Variants in ANKRD30A observed in about 807,000 individuals in gnomAD.
The protein encoded by ANKRD30A is ankyrin repeat domain-containing protein 30A.
Under a neutral mutation model 166.3 loss-of-function variants are expected in ANKRD30A, and 170 were observed. The observed-to-expected ratio is 1.02, with a 90% CI of 0.90 to 1.16. The LOEUF (loss-of-function observed/expected upper bound fraction) is 1.16. ANKRD30A is among the 50% of genes most tolerant of loss of function. ANKRD30A has a pLI of 0.00. For missense variants in ANKRD30A, 1,630 were observed against 1,518.0 expected, an observed-to-expected ratio of 1.07 and a Z score of -1.23; for synonymous variants, 564 against 508.9, an observed-to-expected ratio of 1.11 and a Z score of -1.46.
At chr10:37,142,401 G>T (rs1227990802) in intron 7 of ANKRD30A, 111 bp downstream of exon 7, 2 of 1,005,142 alleles carry the variant, frequency 2.0e-6, no homozygotes, top group Non-Finnish European at 2.9e-6. Context: ...AATAAGGCGA[G>T]CTTAGGCAAC....
chr10:37,232,451 T>C (rs1294148110), intron 35 of ANKRD30A, 48 bp from the exon 36 acceptor site: 4 of 150,980 alleles, frequency 2.6e-5, no homozygotes, highest in Admixed American at 6.6e-5. Flanking sequence ...TTGAGTCTTT[T>C]AATAGCAACT....
At chr10:37,194,119 G>A (rs562086247) in intron 27 of ANKRD30A, among the ~76,000 whole-genome samples, 2 of 151,702 alleles carry the variant, frequency 1.3e-5, no homozygotes, top group Non-Finnish European at 2.9e-5. Context: ...TGGCTTGAAC[G>A]TAGGAGGCAG....
chr10:37,262,481 A>C, the ANKRD30A span: 1 of 157,954 alleles, frequency 6.3e-6, no homozygotes, highest in African/African-American at 2.4e-5. Context: ...GTCTTTCCAC[A>C]GTATGTTCTT....
At chr10:37,139,526 T>G (rs1392208058) in intron 6 of ANKRD30A, among the ~76,000 whole-genome samples, 2 of 152,220 alleles carry the variant, frequency 1.3e-5, no homozygotes, top group East Asian at 1.9e-4. Flanking sequence ...TACTCTACCT[T>G]CCTTTGTATC....
At chr10:37,200,245 T>A (rs1841510026) in intron 30 of ANKRD30A, among the ~76,000 whole-genome samples, 2 of 152,042 alleles carry the variant, frequency 1.3e-5, no homozygotes, top group African/African-American at 4.8e-5. Flanking sequence ...TATTGACATA[T>A]CTTTATTGTT....
At chr10:37,255,595 C>T in the ANKRD30A span, among the ~76,000 whole-genome samples, 1 of 152,106 alleles carries the variant, frequency 6.6e-6, no homozygotes, top group Non-Finnish European at 1.5e-5. Context: ...AATTTTTTAT[C>T]ACCCCAAACT....
intron 29 of ANKRD30A, among the ~76,000 whole-genome samples, chr10:37,198,852 T>C (rs1220670663): frequency 6.6e-6 from 1 of 152,134 alleles, no homozygotes; most frequent in African/African-American, 2.4e-5. Flanking sequence ...TGCTTTTTTC[T>C]TTAACCTGAT....
chr10:37,242,272 A>G, the ANKRD30A span, among the ~76,000 whole-genome samples: 2 of 152,174 alleles, frequency 1.3e-5, no homozygotes, highest in African/African-American at 2.4e-5. Context: ...ATACTTTTTG[A>G]ACATGGCTAT....
intron 17 of ANKRD30A, 36 bp from the exon 18 acceptor site, chr10:37,165,042 TTTTTAGTAGAGAACTG>T: frequency 1.9e-6 from 3 of 1,551,274 alleles, no homozygotes; most frequent in Non-Finnish European, 2.7e-6. Flanking sequence ...GTTTTTAAAA[TTTTTAGTAGAGAACTG>T]TGCTCATGAA....
intron 7 of ANKRD30A, among the ~76,000 whole-genome samples, chr10:37,144,494 T>C (rs1263680827): frequency 6.6e-6 from 1 of 152,218 alleles, no homozygotes; most frequent in African/African-American, 2.4e-5. Context: ...TCATGGCATA[T>C]TGAAATTTAA....
At chr10:37,254,372 A>G in the ANKRD30A span, among the ~76,000 whole-genome samples, 1 of 151,896 alleles carries the variant, frequency 6.6e-6, no homozygotes, top group Non-Finnish European at 1.5e-5. Flanking sequence ...CCTCACCAAC[A>G]CTGGTTATTG....
the ANKRD30A span, among the ~76,000 whole-genome samples, chr10:37,250,379 T>C: frequency 6.6e-6 from 1 of 151,948 alleles, no homozygotes; most frequent in Admixed American, 6.6e-5. Context: ...AGCAGAGGCA[T>C]AGGACCTGAG....
intron 21 of ANKRD30A, among the ~76,000 whole-genome samples, chr10:37,171,690 T>C (rs1407250785): frequency 1.3e-4 from 19 of 151,122 alleles, no homozygotes; most frequent in Admixed American, 1.3e-3. Context: ...TCTGAGTCTT[T>C]TTTCTCTTTT....
chr10:37,263,065 TC>T, the ANKRD30A span, among the ~76,000 whole-genome samples: 1 of 152,190 alleles, frequency 6.6e-6, no homozygotes, highest in Non-Finnish European at 1.5e-5. Context: ...TTATAGATGT[TC>T]CATCATTTAT....
the ANKRD30A span, among the ~76,000 whole-genome samples, chr10:37,260,323 C>T: frequency 6.6e-6 from 1 of 152,108 alleles, no homozygotes; most frequent in Non-Finnish European, 1.5e-5. Context: ...TGCTCCCTTC[C>T]TTCCCTTTTA....
At chr10:37,234,727 T>C (rs1243161719), downstream of ANKRD30A, among the ~76,000 whole-genome samples, 3 of 152,230 alleles carry the variant, frequency 2.0e-5, no homozygotes, top group Non-Finnish European at 4.4e-5. Flanking sequence ...TTTCTAATAA[T>C]TTATTTAAGT....
the ANKRD30A span, among the ~76,000 whole-genome samples, chr10:37,255,411 T>C: frequency 2.0e-5 from 3 of 152,302 alleles, no homozygotes; most frequent in African/African-American, 7.2e-5. Flanking sequence ...TGTAAATATA[T>C]ACAATTAAAA....
rs57250915 is a variant in ANKRD30A at position 37,221,017 on chromosome 10, G to A, written c.4185+1120G>A. 4.5e-3 allele frequency among the ~76,000 whole-genome samples: 668 copies of A among 149,802 alleles called. 8 individuals carry two copies. The highest frequency in any genetic ancestry group is 0.015 in the African/African-American group (636 of 41,050). Reference sequence around the variant, plus strand: ...GAAGGAGAAAGCATTCCACTGTGTAGAATTTACCACCATTAGTCCTTCCCA... The same window carrying A: ...GAAGGAGAAAGCATTCCACTGTGTAAAATTTACCACCATTAGTCCTTCCCA... On this transcript the variant is annotated intron_variant, in intron 34 of 35. Coordinates refer to ENST00000361713, the MANE Select transcript of ANKRD30A (RefSeq NM_052997.3).
intron 34 of ANKRD30A, among the ~76,000 whole-genome samples, chr10:37,224,911 T>C (rs1843073390): frequency 1.3e-5 from 2 of 151,696 alleles, no homozygotes; most frequent in African/African-American, 4.8e-5. Context: ...TGTGTGTGTG[T>C]TCTTTTCTTC....
Sources: gnomAD v4.1 joint callset for allele counts (sites outside exome capture counted in the v4.1 genomes callset) on GRCh38, gnomAD v4.1.1 for gene constraint, MANE v1.5 for transcripts, NCBI Gene and HGNC (gene_info 2026-07-23, HGNC 2026-07-21) for gene names.